NRXN1: variants seen among roughly 807,000 people sequenced by gnomAD.
NRXN1 encodes neurexin-1.
NRXN1 carries 39 observed loss-of-function variants against 150.9 expected under a neutral mutation model. The ratio of observed to expected loss-of-function variants is 0.26; its 90% CI spans 0.20 to 0.34. The LOEUF (loss-of-function observed/expected upper bound fraction) is 0.34, where lower values mean the gene tolerates loss of function less well. NRXN1 is among the 10% of genes least tolerant of loss of function. The pLI is 1.00. For synonymous variants in NRXN1, 924 were observed against 757.0 expected (o/e 1.22, Z -3.62); for missense variants, 1,815 against 1,949.9 (o/e 0.93, Z 1.30).
intron 5 of NRXN1, among the ~76,000 whole-genome samples, chr2:50,643,593 T>C (rs1292793501): frequency 6.6e-6 from 1 of 151,932 alleles, no homozygotes; most frequent in African/African-American, 2.4e-5. Flanking sequence ...AACGGTATGA[T>C]ATTGGAATCT....
At chr2:50,882,398 G>A (rs766794079) in intron 5 of NRXN1, among the ~76,000 whole-genome samples, 24 of 151,556 alleles carry the variant, frequency 1.6e-4, no homozygotes, top group African/African-American at 2.9e-4. Context: ...ATTATCTCTC[G>A]TTTAAAATAT....
chr2:50,584,344 C>G (rs1672762529), intron 8 of NRXN1, among the ~76,000 whole-genome samples: 1 of 152,154 alleles, frequency 6.6e-6, no homozygotes, highest in Non-Finnish European at 1.5e-5. Context: ...TCCTATATTT[C>G]TAGGTCAGTC....
At chr2:50,527,458 TA>T (rs955190543) in intron 12 of NRXN1, among the ~76,000 whole-genome samples, 2 of 152,200 alleles carry the variant, frequency 1.3e-5, no homozygotes, top group Non-Finnish European at 2.9e-5. Flanking sequence ...GAGATCTTTT[TA>T]AATGCCTGGG....
At chr2:50,084,583 G>GCCTCTCCCTCCACACCC (rs1291477574) in intron 19 of NRXN1, among the ~76,000 whole-genome samples, 1 of 152,152 alleles carries the variant, frequency 6.6e-6, no homozygotes, top group African/African-American at 2.4e-5. Context: ...TCCCGCCCGT[G>GCCTCTCCCTCCACACCC]CCTCTCCCTC....
chr2:50,259,996 G>T (rs2068088029), intron 17 of NRXN1, among the ~76,000 whole-genome samples: 2 of 151,734 alleles, frequency 1.3e-5, no homozygotes, highest in Non-Finnish European at 2.9e-5. Context: ...TGCACTTCTT[G>T]TACCTTTCAA....
chr2:50,197,530 C>T lies in NRXN1; in HGVS notation c.3546+39259G>A, dbSNP rs1392998436. Among the ~76,000 whole-genome samples, 4 of 152,002 alleles carry T rather than the reference C, an allele frequency of 2.6e-5. 1 individual carries two copies. On this transcript the variant is annotated intron_variant, in intron 18 of 22. Transcript: ENST00000401669. The stretch of plus-strand genomic sequence containing the variant: ...CAGAGATTGAAGTAACGCATCTTTC[C>T]CCTTTTACACTATTATATTTTGTGA...
chr2:50,532,929 G>A (rs2093157231), intron 10 of NRXN1, among the ~76,000 whole-genome samples: 1 of 152,020 alleles, frequency 6.6e-6, no homozygotes, highest in Admixed American at 6.6e-5. Context: ...AAAACTACCT[G>A]GAATTAAAAT....
intron 5 of NRXN1, among the ~76,000 whole-genome samples, chr2:50,671,719 G>T (rs1388516032): frequency 6.6e-6 from 1 of 151,690 alleles, no homozygotes; most frequent in Non-Finnish European, 1.5e-5. Flanking sequence ...TATTGAAGTA[G>T]AGATTTGTAA....
At chr2:50,585,830 A>C (rs997787536) in intron 8 of NRXN1, among the ~76,000 whole-genome samples, 2 of 152,188 alleles carry the variant, frequency 1.3e-5, no homozygotes, top group African/African-American at 2.4e-5. Context: ...AGTGATTGCC[A>C]TGAACCCTGT....
At chr2:50,012,871 G>T (rs1304325028) in intron 21 of NRXN1, among the ~76,000 whole-genome samples, 1 of 152,050 alleles carries the variant, frequency 6.6e-6, no homozygotes, top group Admixed American at 6.6e-5. Flanking sequence ...CCATGGAATG[G>T]AATGGATTGC....
At position 50,479,767 on chromosome 2, in the gene NRXN1, C is replaced by CTTTTTTTTTTTTTTTTTTT. The variant is rs35301086; in HGVS notation, c.3071-7315_3071-7297dup. Among the ~76,000 whole-genome samples, 3 of 79,866 alleles carry CTTTTTTTTTTTTTTTTTTT rather than the reference C, an allele frequency of 3.8e-5. 1 individual carries two copies. The highest frequency in any genetic ancestry group is 5.1e-5 in the African/African-American group (1 of 19,510). 52.4% of individuals were successfully genotyped at this position (79,866 alleles called of 152,430 possible). A position where few individuals can be genotyped will look rare whatever the true frequency, so the allele number is the denominator to read the frequency against. On this transcript the variant is annotated intron_variant, in intron 15 of 22. Coordinates refer to ENST00000401669, the MANE Select transcript of NRXN1 (RefSeq NM_001330078.2). ...TTCATCTACTAATCCATTTCTTTTT[C>CTTTTTTTTTTTTTTTTTTT]TTTTTTTTTTTTTTTTTTTTTTTTG...
chr2:50,817,516 TG>T (rs1559305077), intron 5 of NRXN1, among the ~76,000 whole-genome samples: 1 of 152,042 alleles, frequency 6.6e-6, no homozygotes, highest in African/African-American at 2.4e-5. Flanking sequence ...GCCAGCATTG[TG>T]GTGATAGGGA....
intron 19 of NRXN1, among the ~76,000 whole-genome samples, chr2:50,084,128 T>A (rs1698404832): frequency 6.6e-6 from 1 of 152,166 alleles, no homozygotes; most frequent in Non-Finnish European, 1.5e-5. Context: ...TGGCTAGACA[T>A]AAAGGTTCTC....
intron 17 of NRXN1, among the ~76,000 whole-genome samples, chr2:50,319,569 T>C (rs2075862263): frequency 6.6e-6 from 1 of 152,164 alleles, no homozygotes; most frequent in Non-Finnish European, 1.5e-5. Flanking sequence ...AATTACTCAA[T>C]TAATAGCACT....
intron 17 of NRXN1, among the ~76,000 whole-genome samples, chr2:50,451,599 T>C (rs1358020034): frequency 6.6e-6 from 1 of 152,196 alleles, no homozygotes; most frequent in African/African-American, 2.4e-5. Flanking sequence ...TAAATCTACA[T>C]ATATTAATCT....
rs537298099 is a variant in NRXN1 at position 50,955,018 on chromosome 2, T to TA, written c.773-29064dup. On this transcript the variant is annotated intron_variant, in intron 2 of 22. Transcript: ENST00000401669. ...CAGGTGAGGAAGACAGCTGGGAAGA[T>TA]AAAAAAAGGGAAAGAAGCAGGTGCA... is the stretch of plus-strand genomic sequence containing the variant. Among the ~76,000 whole-genome samples, 24 of 151,986 alleles carry TA rather than the reference T, an allele frequency of 1.6e-4. 1 individual carries two copies. The highest frequency in any genetic ancestry group is 2.9e-4 in the African/African-American group (12 of 41,390).
rs769107472 is a variant in NRXN1, at chr2:50,754,029, C to T, written c.833-130414G>A. 4.0e-4 allele frequency among the ~76,000 whole-genome samples: 59 copies of T among 148,410 alleles called. 1 individual carries two copies. In the Middle Eastern group the frequency reaches 0.018, roughly 45 times the overall value. On this transcript the variant is annotated intron_variant, in intron 5 of 22. Transcript: ENST00000401669. ...TTAATAGAACAATAAAATAATATTG[C>T]AGGAAAACATATGGCTCTGCCAAAA...
At chr2:50,113,726 T>C (rs1362087783) in intron 18 of NRXN1, among the ~76,000 whole-genome samples, 2 of 152,190 alleles carry the variant, frequency 1.3e-5, no homozygotes, top group Non-Finnish European at 2.9e-5. Context: ...TCACGTATAA[T>C]CCACCTTAAA....
intron 21 of NRXN1, among the ~76,000 whole-genome samples, chr2:50,020,467 C>G (rs569995659): frequency 6.6e-6 from 1 of 152,290 alleles, no homozygotes; most frequent in Admixed American, 6.5e-5. Flanking sequence ...ACAATACCTA[C>G]CTGAAATTTT....
Sources: allele counts gnomAD v4.1 joint callset (sites outside exome capture counted in the v4.1 genomes callset), GRCh38; gene constraint gnomAD v4.1.1; transcripts MANE v1.5; gene names NCBI Gene and HGNC (gene_info 2026-07-23, HGNC 2026-07-21).